Variants in RGS18 observed in about 807,000 individuals in gnomAD.
RGS18 encodes the protein regulator of G-protein signaling 18.
A neutral mutation model predicts 27.6 loss-of-function variants in RGS18; 22 were observed. That is an observed-to-expected ratio of 0.80 (90% CI 0.57 to 1.14). The LOEUF (loss-of-function observed/expected upper bound fraction) is 1.14. Ranked by LOEUF, RGS18 falls within the 50% of genes most tolerant of loss-of-function variation. The pLI is 0.00. For missense variants in RGS18, 299 were observed against 269.6 expected (o/e 1.11, Z -0.76); for synonymous variants, 89 against 84.6 (o/e 1.05, Z -0.29).
Position 192,184,618 on chromosome 1 carries a change from T to G in RGS18, c.*64T>G. 2.7e-6 allele frequency: 4 copies of G among 1,466,328 alleles called. No individual in the cohort carries two copies. Among genetic ancestry groups the G allele is most frequent in the Non-Finnish European group, 3.8e-6 (4 of 1,063,822 alleles). The allele number at this position is 1,466,328 out of a possible 1,614,324, so 90.8% of individuals were successfully genotyped here. The stretch of plus-strand genomic sequence containing the variant: ...CATCTGCTTCTAACATATCGCATGT[T>G]TATGTTAAGATTTGGTCCCATCCTT... On this transcript the variant is annotated 3_prime_UTR_variant, in exon 5 of 5. Transcript: ENST00000367460.
intron 4 of RGS18, 127 bp downstream of exon 4, chr1:192,181,585 A>C: frequency 3.3e-6 from 2 of 603,592 alleles, no homozygotes; most frequent in Non-Finnish European, 5.3e-6. Flanking sequence ...GACATGTAAT[A>C]ATTACACATG....
chr1:192,163,869 A>T (rs1445672082), intron 3 of RGS18, among the ~76,000 whole-genome samples: 1 of 137,442 alleles, frequency 7.3e-6, no homozygotes, highest in African/African-American at 2.7e-5. Flanking sequence ...ATATATATAT[A>T]TTTTTTTTTT....
chr1:192,162,609 T>A (rs539903254), intron 3 of RGS18, among the ~76,000 whole-genome samples: 2 of 152,324 alleles, frequency 1.3e-5, no homozygotes, highest in African/African-American at 4.8e-5. Flanking sequence ...TCTAAACTAT[T>A]GTTAAAATTC....
chr1:192,170,834 G>A (rs1304484746), intron 3 of RGS18, among the ~76,000 whole-genome samples: 2 of 152,146 alleles, frequency 1.3e-5, no homozygotes, highest in Non-Finnish European at 2.9e-5. Context: ...TTTACTTGAA[G>A]TCTTGAGAGG....
chr1:192,179,177 A>G (rs1052719471), intron 3 of RGS18, among the ~76,000 whole-genome samples: 2 of 151,622 alleles, frequency 1.3e-5, no homozygotes, highest in Non-Finnish European at 3.0e-5. Context: ...GGAGGGGGTC[A>G]GTATTATCAG....
intron 3 of RGS18, 32 bp downstream of exon 3, chr1:192,160,471 G>A: frequency 6.7e-7 from 1 of 1,502,090 alleles, no homozygotes; most frequent in Non-Finnish European, 9.3e-7. Flanking sequence ...TACTTTGTGT[G>A]CTTAATGGAA....
At chr1:192,176,585 A>G (rs1341174314) in intron 3 of RGS18, among the ~76,000 whole-genome samples, 1 of 151,610 alleles carries the variant, frequency 6.6e-6, no homozygotes, top group African/African-American at 2.4e-5. Context: ...CCTCTTCTTA[A>G]TAGTTTAGTA....
chr1:192,166,434 T>C (rs988636162), intron 3 of RGS18, among the ~76,000 whole-genome samples: 3 of 152,108 alleles, frequency 2.0e-5, no homozygotes, highest in Admixed American at 2.0e-4. Context: ...ATAAACACAT[T>C]ATATAATTAA....
chr1:192,184,470 A>G lies in RGS18; in HGVS notation c.624A>G (p.Arg208=), dbSNP rs113152114. 3.7e-6 allele frequency: 6 copies of G among 1,611,696 alleles called. No homozygotes were observed. Among genetic ancestry groups the G allele is most frequent in the African/African-American group, 1.3e-5 (1 of 74,828 alleles). Residue 208 remains arginine, a synonymous_variant, in exon 5 of 5, where the codon AGA becomes AGG. Coordinates refer to ENST00000367460, the MANE Select transcript of RGS18 (RefSeq NM_130782.3). ...ACTTGATGGAAGGAAGACCTCAGAG[A>G]CCAACAAATCTTAGGAGACGATCAC... The part of the protein sequence containing the change: ...YLDLMEGRPQ[R]PTNLRRRSRS...
chr1:192,180,168 G>A (rs780203812), intron 3 of RGS18, among the ~76,000 whole-genome samples: 1 of 151,524 alleles, frequency 6.6e-6, no homozygotes, highest in Non-Finnish European at 1.5e-5. Context: ...TTTTAGTTAT[G>A]TAAATGTCAT....
chr1:192,161,585 T>A (rs1009823772), intron 3 of RGS18: 2 of 139,578 alleles, frequency 1.4e-5, no homozygotes, highest in African/African-American at 5.1e-5. Flanking sequence ...AGCCCACAGC[T>A]TTTTTTTTTT....
At chr1:192,159,573 CAT>C (rs773828784) in intron 2 of RGS18, among the ~76,000 whole-genome samples, 31 of 152,064 alleles carry the variant, frequency 2.0e-4, no homozygotes, top group Non-Finnish European at 3.7e-4. Context: ...TTTTAAATGA[CAT>C]GTTTTACTCC....
chr1:192,181,581 T>A, intron 4 of RGS18, 123 bp downstream of exon 4: 2 of 626,132 alleles, frequency 3.2e-6, no homozygotes, highest in South Asian at 2.9e-5. Flanking sequence ...AATTGACATG[T>A]AATAATTACA....
intron 1 of RGS18, 43 bp downstream of exon 1, chr1:192,158,799 C>A: frequency 7.6e-7 from 1 of 1,308,500 alleles, no homozygotes; most frequent in Non-Finnish European, 1.1e-6. Context: ...CTTTTAAAAG[C>A]ATAATTGAGG....
chr1:192,162,511 G>A (rs997755890), intron 3 of RGS18, among the ~76,000 whole-genome samples: 4 of 152,004 alleles, frequency 2.6e-5, no homozygotes, highest in African/African-American at 9.7e-5. Flanking sequence ...TCGAACACCT[G>A]ACCTCAAGTG....
intron 3 of RGS18, chr1:192,169,063 T>C (rs1004279266): frequency 1.3e-5 from 2 of 152,202 alleles, no homozygotes; most frequent in African/African-American, 4.8e-5. Context: ...AGGTTCAGAC[T>C]AAGTTATTTT....
At chr1:192,174,704 AT>A (rs1418517334) in intron 3 of RGS18, among the ~76,000 whole-genome samples, 1 of 151,860 alleles carries the variant, frequency 6.6e-6, no homozygotes, top group African/African-American at 2.4e-5. Context: ...CCATGTGAAG[AT>A]TTTTTTGTTC....
chr1:192,162,834 A>T lies in RGS18; in HGVS notation c.283+2395A>T, dbSNP rs141603220. Among the ~76,000 whole-genome samples the T allele has an allele frequency of 5.4e-3, 824 of 152,334 alleles. 9 individuals carry two copies. Among genetic ancestry groups the T allele is most frequent in the African/African-American group, 0.018 (763 of 41,572 alleles). On this transcript the variant is annotated intron_variant, in intron 3 of 4. Transcript: ENST00000367460. ...CTTTAGACTCCTCACCAGTCAGAGA[A>T]GGAGAAAAGAAAACAAAACAACAAC...
intron 3 of RGS18, among the ~76,000 whole-genome samples, chr1:192,180,089 G>A (rs1007922812): frequency 1.1e-4 from 16 of 151,540 alleles, no homozygotes; most frequent in South Asian, 4.1e-4. Flanking sequence ...TTGAAAGAGC[G>A]TTTTTGAAGT....
Sources: gnomAD v4.1 joint callset for allele counts (sites outside exome capture counted in the v4.1 genomes callset) on GRCh38, gnomAD v4.1.1 for gene constraint, MANE v1.5 for transcripts, NCBI Gene and HGNC (gene_info 2026-07-23, HGNC 2026-07-21) for gene names.